SORD: variants seen among roughly 807,000 people sequenced by gnomAD.
SORD encodes the protein (R,R)-butanediol dehydrogenase.
A neutral mutation model predicts 35.6 loss-of-function variants in SORD; 18 were observed. The ratio of observed to expected loss-of-function variants is 0.51; its 90% CI spans 0.35 to 0.75. The LOEUF is 0.75. Among genes scored for constraint, SORD ranks in the 30% least tolerant of loss-of-function variants. The pLI is 0.01. For synonymous variants in SORD, 106 were observed against 152.9 expected, an observed-to-expected ratio of 0.69 and a Z score of 2.26; for missense variants, 250 against 390.2, an observed-to-expected ratio of 0.64 and a Z score of 3.03.
In SORD at chr15:45,074,535, G is replaced by A. The variant is rs1000585151; in HGVS notation, c.*1005G>A. ...TTTCCTCTTCTCATTACCAGTAAAG[G>A]CTCTTGGTATCTTTCTGTTGGAATG... On this transcript the variant is annotated 3_prime_UTR_variant, in exon 9 of 9. Coordinates refer to ENST00000267814, the MANE Select transcript of SORD (RefSeq NM_003104.6). 1.4e-5 allele frequency: 2 copies of A among 141,104 alleles called. No homozygotes were observed. Among genetic ancestry groups the A allele is most frequent in the Admixed American group, 6.7e-5 (1 of 14,866 alleles). 8.7% of individuals were successfully genotyped at this position (141,104 alleles called of 1,614,324 possible).
chr15:45,038,477 T>C (rs903603433), intron 1 of SORD, among the ~76,000 whole-genome samples: 1 of 152,232 alleles, frequency 6.6e-6, no homozygotes, highest in Non-Finnish European at 1.5e-5. Context: ...CTTTGAGCTT[T>C]GTTTCACAGG....
At chr15:45,058,218 G>A (rs2470659) in intron 3 of SORD, among the ~76,000 whole-genome samples, 2,242 of 152,186 alleles carry the variant, frequency 0.015, 18 homozygotes, top group Middle Eastern at 0.031. Flanking sequence ...TAGTTCGGGG[G>A]CCTTCAGATA....
chr15:45,064,016 C>T (rs1337908722), intron 4 of SORD, among the ~76,000 whole-genome samples: 4 of 147,894 alleles, frequency 2.7e-5, no homozygotes, highest in Non-Finnish European at 4.5e-5. Flanking sequence ...AGGAGGACTC[C>T]GAGTTATTCT....
chr15:45,023,826 G>T (rs1452920311), intron 1 of SORD, among the ~76,000 whole-genome samples: 1 of 152,202 alleles, frequency 6.6e-6, no homozygotes, highest in Non-Finnish European at 1.5e-5. Flanking sequence ...GGATTATGAT[G>T]ATCACAAGAG....
intron 4 of SORD, among the ~76,000 whole-genome samples, chr15:45,061,622 C>T (rs1363938745): frequency 2.0e-5 from 3 of 151,886 alleles, no homozygotes; most frequent in African/African-American, 7.2e-5. Context: ...AATCCCAGCA[C>T]TTTAGGAGGC....
intron 1 of SORD, among the ~76,000 whole-genome samples, chr15:45,035,560 CA>C (rs911296596): frequency 1.6e-4 from 24 of 152,254 alleles, no homozygotes; most frequent in African/African-American, 5.3e-4. Flanking sequence ...TAGCAATCAG[CA>C]GGATGTGAGT....
intron 5 of SORD, among the ~76,000 whole-genome samples, chr15:45,066,686 C>T (rs969366265): frequency 6.6e-6 from 1 of 152,194 alleles, no homozygotes; most frequent in African/African-American, 2.4e-5. Flanking sequence ...CGCTCACGCT[C>T]CTTGTGGGTG....
At chr15:45,068,317 G>A (rs1304665652) in intron 6 of SORD, 71 bp downstream of exon 6, 26 of 1,124,638 alleles carry the variant, frequency 2.3e-5, no homozygotes, top group South Asian at 1.2e-5. Context: ...CATGTGTGAG[G>A]AGAGGTTATC....
chr15:45,050,916 A>C (rs1488448697), intron 3 of SORD, among the ~76,000 whole-genome samples: 1 of 152,208 alleles, frequency 6.6e-6, no homozygotes, highest in Admixed American at 6.5e-5. Flanking sequence ...AAAAAGGATT[A>C]GTTCAGTCTT....
intron 3 of SORD, among the ~76,000 whole-genome samples, chr15:45,057,014 GT>G (rs1893228867): frequency 6.6e-6 from 1 of 152,240 alleles, no homozygotes. Context: ...AGCTGCAGAA[GT>G]GTTCCTTTAG....
In SORD at chr15:45,052,836, T is replaced by C. The variant is rs1226118370; in HGVS notation, c.266-8231T>C. Among the ~76,000 whole-genome samples the C allele has an allele frequency of 3.3e-5, 5 of 152,142 alleles. No homozygotes were observed. In the South Asian group the frequency reaches 1.0e-3, roughly 32 times the overall value. On this transcript the variant is annotated intron_variant, in intron 3 of 8. Coordinates refer to ENST00000267814, the MANE Select transcript of SORD (RefSeq NM_003104.6). The stretch of plus-strand genomic sequence containing the variant: ...AACTGGCTGAGCAGGCTGAGCGATA[T>C]GATAACATGGCAGCCTGCATGAAGT...
intron 3 of SORD, among the ~76,000 whole-genome samples, chr15:45,044,031 G>A (rs1047895437): frequency 6.6e-6 from 1 of 152,264 alleles, no homozygotes; most frequent in Non-Finnish European, 1.5e-5. Context: ...TTATTTGGGG[G>A]AAGGTGGAGG....
intron 3 of SORD, among the ~76,000 whole-genome samples, chr15:45,058,375 A>G (rs2141278619): frequency 6.6e-6 from 1 of 152,306 alleles, no homozygotes; most frequent in East Asian, 1.9e-4. Flanking sequence ...GGGATTGACA[A>G]AATACTCTCC....
At chr15:45,027,032 T>C (rs1455334952) in intron 1 of SORD, among the ~76,000 whole-genome samples, 3 of 152,266 alleles carry the variant, frequency 2.0e-5, no homozygotes, top group Non-Finnish European at 4.4e-5. Flanking sequence ...ATGATCACCT[T>C]GACCACAGCA....
chr15:45,036,031 A>G (rs1282251476), intron 1 of SORD, among the ~76,000 whole-genome samples: 1 of 151,074 alleles, frequency 6.6e-6, no homozygotes, highest in African/African-American at 2.4e-5. Context: ...GGAGGAACAA[A>G]CAACTGCAGA....
In SORD at chr15:45,059,643, A is replaced by G. The variant is rs531271462; in HGVS notation, c.266-1424A>G. On this transcript the variant is annotated intron_variant, in intron 3 of 8. Transcript: ENST00000267814. ...CAAGTAGCTGGGACCACATGCACAC[A>G]CCACCATGCTCAGCTAATTAAAAAA... 8.5e-5 allele frequency among the ~76,000 whole-genome samples: 13 copies of G among 152,216 alleles called. No individual in the cohort carries two copies. In the South Asian group the frequency reaches 2.7e-3, roughly 32 times the overall value.
At chr15:45,031,329 A>T (rs1461272143) in intron 1 of SORD, among the ~76,000 whole-genome samples, 1 of 88,552 alleles carries the variant, frequency 1.1e-5, no homozygotes, top group African/African-American at 2.1e-4. Flanking sequence ...ACAACGACAA[A>T]AAAAAAAAAA....
Position 45,023,219 on chromosome 15 carries a change from A to G in SORD, c.-65A>G, listed in dbSNP as rs1348980287. ...CAGTGCCCTGGACCCTCGGCTGGGT[A>G]GCGCCACCAGAGCGACCAAACGTCC... is the stretch of plus-strand genomic sequence containing the variant. On this transcript the variant is annotated 5_prime_UTR_variant, in exon 1 of 9. Coordinates refer to ENST00000267814, the MANE Select transcript of SORD (RefSeq NM_003104.6). 13 of 1,379,730 alleles carry G rather than the reference A, an allele frequency of 9.4e-6. No individual in the cohort carries two copies. Among genetic ancestry groups the G allele is most frequent in the African/African-American group, 1.5e-5 (1 of 67,986 alleles). 85.5% of individuals were successfully genotyped at this position (1,379,730 alleles called of 1,614,324 possible).
intron 3 of SORD, among the ~76,000 whole-genome samples, chr15:45,053,924 C>T (rs11634092): frequency 0.96 from 127,402 of 132,026 alleles, 61,536 homozygotes; most frequent in Non-Finnish European, 0.99. Flanking sequence ...GATAGTTTAC[C>T]GAGAATGATG....
Sources: allele counts gnomAD v4.1 joint callset (sites outside exome capture counted in the v4.1 genomes callset), GRCh38; gene constraint gnomAD v4.1.1; transcripts MANE v1.5; gene names NCBI Gene and HGNC (gene_info 2026-07-23, HGNC 2026-07-21).